Variants in LYST observed in about 807,000 individuals in gnomAD.
LYST encodes the protein lysosomal trafficking regulator, also known as lysosomal-trafficking regulator.
A neutral mutation model predicts 413.6 loss-of-function variants in LYST; 192 were observed. The ratio of observed to expected loss-of-function variants is 0.46; its 90% CI spans 0.41 to 0.52. The LOEUF (loss-of-function observed/expected upper bound fraction) is 0.52, where lower values mean the gene tolerates loss of function less well. Among genes scored for constraint, LYST ranks in the 20% least tolerant of loss-of-function variants. The pLI is 0.00. For missense variants in LYST, 3,815 were observed against 4,499.9 expected, an observed-to-expected ratio of 0.85 and a Z score of 4.35; for synonymous variants, 1,525 against 1,567.3, an observed-to-expected ratio of 0.97 and a Z score of 0.64.
chr1:235,686,661 T>C lies in LYST; in HGVS notation c.10800+288A>G, dbSNP rs1002017303. ...TACAGTATACTCCTAAGGATTCAGG[T>C]TGCTATCGCAAATACAGGTAAGCAC... On this transcript the variant is annotated intron_variant, in intron 48 of 52. Coordinates refer to ENST00000389793, the MANE Select transcript of LYST (RefSeq NM_000081.4). This position sits in a 1 kb window ranked among gnomAD's most constrained non-coding sequence, Gnocchi z 4.0. Among the ~76,000 whole-genome samples, 1 of 152,122 alleles carries C rather than the reference T, an allele frequency of 6.6e-6. No homozygotes were observed. Among genetic ancestry groups the C allele is most frequent in the Non-Finnish European group, 1.5e-5 (1 of 68,028 alleles).
upstream of LYST, among the ~76,000 whole-genome samples, chr1:235,870,585 T>C (rs1185067280): frequency 6.6e-6 from 1 of 152,246 alleles, no homozygotes; most frequent in Non-Finnish European, 1.5e-5. Flanking sequence ...GAAGTGTTTC[T>C]TTTATCACAG....
At chr1:235,721,167 G>C (rs942151427) in intron 39 of LYST, among the ~76,000 whole-genome samples, 1 of 151,900 alleles carries the variant, frequency 6.6e-6, no homozygotes, top group African/African-American at 2.4e-5. Flanking sequence ...GTATAGAAAA[G>C]TCACTTAAGA....
At position 235,693,260 on chromosome 1, in the gene LYST, G is replaced by C. The variant is rs965109237; in HGVS notation, c.10701+90C>G. ...TGAGCCGGGAGGTGGAGCTTGCAGT[G>C]AGCCAAGATGTGTCACTGCGCTCCA... is the stretch of plus-strand genomic sequence containing the variant. On this transcript the variant is annotated intron_variant, in intron 47 of 52. Coordinates refer to ENST00000389793, the MANE Select transcript of LYST (RefSeq NM_000081.4). 7 of 975,354 alleles carry C rather than the reference G, an allele frequency of 7.2e-6. No homozygotes were observed. In the Admixed American group the frequency reaches 9.5e-5, roughly 13 times the overall value. The allele number at this position is 975,354 out of a possible 1,614,324, so 60.4% of individuals were successfully genotyped here. A position where few individuals can be genotyped will look rare whatever the true frequency, so the allele number is the denominator to read the frequency against.
intron 31 of LYST, chr1:235,738,379 C>T (rs1572109366): frequency 1.9e-6 from 3 of 1,613,074 alleles, no homozygotes; most frequent in East Asian, 4.5e-5. Context: ...TTGTAAAATA[C>T]AGCCCGAACT....
chr1:235,844,604 T>A (rs1036156688), intron 1 of LYST, among the ~76,000 whole-genome samples: 1 of 152,176 alleles, frequency 6.6e-6, no homozygotes, highest in African/African-American at 2.4e-5. Flanking sequence ...TAACACTAAA[T>A]ACTACCTCTA....
At chr1:235,872,625 C>T (rs530999775) in intron 1 of LYST, among the ~76,000 whole-genome samples, 2 of 152,100 alleles carry the variant, frequency 1.3e-5, no homozygotes, top group East Asian at 1.9e-4. Flanking sequence ...TGGCCAGCTT[C>T]TATTCAGAAA....
At chr1:235,838,988 C>A (rs997410553) in intron 1 of LYST, among the ~76,000 whole-genome samples, 1 of 152,050 alleles carries the variant, frequency 6.6e-6, no homozygotes, top group Admixed American at 6.5e-5. Context: ...CCCACCCCTG[C>A]GCCCTTTCTT....
At chr1:235,745,780 T>G (rs12239135) in intron 29 of LYST, among the ~76,000 whole-genome samples, 4,141 of 152,220 alleles carry the variant, frequency 0.027, 170 homozygotes, top group African/African-American at 0.094. Context: ...AAAAAACTAA[T>G]TCCAAAAGGC....
intron 3 of LYST, among the ~76,000 whole-genome samples, chr1:235,819,483 C>A (rs1674515802): frequency 6.6e-6 from 1 of 152,100 alleles, no homozygotes; most frequent in African/African-American, 2.4e-5. Context: ...ACACAATAGT[C>A]ACAGAATCCA....
chr1:235,823,887 G>A (rs1467907936), intron 3 of LYST, among the ~76,000 whole-genome samples: 1 of 152,128 alleles, frequency 6.6e-6, no homozygotes, highest in Non-Finnish European at 1.5e-5. Flanking sequence ...CTTCAAAAGC[G>A]AAGAGCTCCT....
chr1:235,725,360 G>T (rs1429018027), intron 38 of LYST, among the ~76,000 whole-genome samples: 1 of 152,126 alleles, frequency 6.6e-6, no homozygotes, highest in Non-Finnish European at 1.5e-5. Flanking sequence ...CCTGAACCCA[G>T]GAGGCGGAGG....
At chr1:235,751,162 C>A in intron 28 of LYST, 48 bp downstream of exon 28, 1 of 1,571,350 alleles carries the variant, frequency 6.4e-7, no homozygotes, top group South Asian at 1.1e-5. Flanking sequence ...ATAGGAAAGT[C>A]AAGCTAGCCT....
At chr1:235,859,133 C>T (rs552980871) in intron 1 of LYST, among the ~76,000 whole-genome samples, 44 of 152,324 alleles carry the variant, frequency 2.9e-4, no homozygotes, top group African/African-American at 1.0e-3. Flanking sequence ...TAACTTATAT[C>T]TATATCTACC....
intron 3 of LYST, 39 bp downstream of exon 3, chr1:235,830,187 T>C: frequency 6.9e-7 from 1 of 1,444,998 alleles, no homozygotes; most frequent in Non-Finnish European, 9.7e-7. Flanking sequence ...TTAACTATCA[T>C]ATATTGATGA....
chr1:235,680,064 CATT>C (rs982316467), intron 48 of LYST, among the ~76,000 whole-genome samples: 12 of 151,260 alleles, frequency 7.9e-5, no homozygotes, highest in African/African-American at 2.7e-4. Context: ...TATATTTTAT[CATT>C]ATATGTTTAC....
At chr1:235,770,098 T>C (rs775613936) in intron 20 of LYST, 62 bp downstream of exon 20, 19 of 1,530,252 alleles carry the variant, frequency 1.2e-5, no homozygotes, top group African/African-American at 4.1e-5. Flanking sequence ...AAATTTGATG[T>C]TCATAGTATT....
At chr1:235,736,787 G>A (rs1305685279) in intron 31 of LYST, 1 of 151,994 alleles carries the variant, frequency 6.6e-6, no homozygotes, top group Non-Finnish European at 1.5e-5. Flanking sequence ...TATGAAGTAG[G>A]GGACAGAATA....
At chr1:235,761,764 TA>T (rs113640913) in intron 22 of LYST, among the ~76,000 whole-genome samples, 2 of 141,772 alleles carry the variant, frequency 1.4e-5, no homozygotes, top group Non-Finnish European at 3.1e-5. Context: ...GGAGTGTGAT[TA>T]AAAAAAAAAC....
At chr1:235,803,304 T>C (rs925109354) in intron 7 of LYST, among the ~76,000 whole-genome samples, 3 of 152,102 alleles carry the variant, frequency 2.0e-5, no homozygotes, top group Admixed American at 6.5e-5. Context: ...TCATTTCAGT[T>C]TAATAAATAA....
Sources: gnomAD v4.1 joint callset for allele counts (sites outside exome capture counted in the v4.1 genomes callset) on GRCh38, gnomAD v4.1.1 for gene constraint, Gnocchi (gnomAD v3.1) non-coding constraint, MANE v1.5 for transcripts, NCBI Gene and HGNC (gene_info 2026-07-23, HGNC 2026-07-21) for gene names.